Variants in OSTN observed in about 807,000 individuals in gnomAD.
OSTN encodes the protein osteocrin.
A neutral mutation model predicts 12.0 loss-of-function variants in OSTN; 9 were observed. That is an observed-to-expected ratio of 0.75 (90% CI 0.45 to 1.30). The LOEUF is 1.30. Among genes scored for constraint, OSTN ranks in the 50% most tolerant of loss-of-function variants. OSTN has a pLI of 0.00. For synonymous variants in OSTN, 59 were observed against 56.9 expected (o/e 1.04, Z -0.16); for missense variants, 148 against 152.3 (o/e 0.97, Z 0.15).
At chr3:191,236,977 T>C (rs1715206561) in intron 3 of OSTN, among the ~76,000 whole-genome samples, 1 of 152,166 alleles carries the variant, frequency 6.6e-6, no homozygotes, top group Non-Finnish European at 1.5e-5. Context: ...ATAAATTACA[T>C]GCCAGATTGT....
At chr3:191,242,270 T>C (rs542210380) in intron 3 of OSTN, among the ~76,000 whole-genome samples, 3 of 152,270 alleles carry the variant, frequency 2.0e-5, no homozygotes, top group South Asian at 2.1e-4. Context: ...ATGATGCCAC[T>C]TACAACCACA....
intron 3 of OSTN, among the ~76,000 whole-genome samples, chr3:191,223,016 A>T (rs1714809244): frequency 6.6e-6 from 1 of 152,180 alleles, no homozygotes; most frequent in South Asian, 2.1e-4. Flanking sequence ...AAATTAATTT[A>T]AATTTAAAAT....
chr3:191,250,107 A>G lies in OSTN; in HGVS notation c.388A>G (p.Asn130Asp). 1 of 1,611,820 alleles carries G rather than the reference A, an allele frequency of 6.2e-7. No homozygotes were observed. The highest frequency in any genetic ancestry group is 8.5e-7 in the Non-Finnish European group (1 of 1,177,890). Residue 130 changes from asparagine to aspartate, a missense_variant, in exon 4 of 5, where the codon AAT becomes GAT. By Grantham distance (23) the Asn-to-Asp change is conservative (BLOSUM62 1). Transcript: ENST00000682035. ...TCGGATTGGTAGAAACCGGCTTTCA[A>G]ATTCCAGAGGCTAATTGATTCCAAT... is the stretch of plus-strand genomic sequence containing the variant. ...MDRIGRNRLS[N>D]SRG
At chr3:191,251,356 G>A (rs1381242240) in intron 4 of OSTN, among the ~76,000 whole-genome samples, 1 of 152,050 alleles carries the variant, frequency 6.6e-6, no homozygotes, top group African/African-American at 2.4e-5. Context: ...TCTTCCAATA[G>A]GACTTATAGA....
intron 1 of OSTN, among the ~76,000 whole-genome samples, chr3:191,203,587 C>T (rs9832607): frequency 0.4 from 60,847 of 151,966 alleles, 12,876 homozygotes; most frequent in African/African-American, 0.54. Flanking sequence ...GTTCTAGTAA[C>T]TTATCATTCT....
chr3:191,204,306 C>T (rs542386693), intron 1 of OSTN, among the ~76,000 whole-genome samples: 1 of 152,162 alleles, frequency 6.6e-6, no homozygotes, highest in South Asian at 2.1e-4. Context: ...TTAAAAATAG[C>T]AAATTTCAGA....
At chr3:191,216,523 T>C (rs1038378505) in intron 2 of OSTN, among the ~76,000 whole-genome samples, 21 of 150,264 alleles carry the variant, frequency 1.4e-4, no homozygotes, top group Admixed American at 2.0e-4. Flanking sequence ...CTTTTAAACA[T>C]AACTTCTAAT....
intron 1 of OSTN, among the ~76,000 whole-genome samples, chr3:191,200,827 C>T (rs1324959151): frequency 6.6e-6 from 1 of 152,154 alleles, no homozygotes; most frequent in Non-Finnish European, 1.5e-5. Context: ...ATGACTGTTA[C>T]CTACCAGACA....
chr3:191,221,223 C>T (rs993340278), intron 3 of OSTN, among the ~76,000 whole-genome samples: 6 of 152,184 alleles, frequency 3.9e-5, no homozygotes, highest in African/African-American at 1.4e-4. Context: ...GTCAATTAAA[C>T]CGCTTTCCTT....
chr3:191,228,811 G>A (rs2108539547), intron 3 of OSTN: 1 of 152,286 alleles, frequency 6.6e-6, no homozygotes, highest in African/African-American at 2.4e-5. Flanking sequence ...TGTGGAATTA[G>A]TAAACGAGGT....
chr3:191,237,242 ATAT>A (rs1576933982), intron 3 of OSTN, among the ~76,000 whole-genome samples: 1 of 152,242 alleles, frequency 6.6e-6, no homozygotes, highest in Non-Finnish European at 1.5e-5. Flanking sequence ...TGTGAATAAG[ATAT>A]TTGTCAAAGG....
At chr3:191,242,845 A>AT (rs1426627803) in intron 3 of OSTN, among the ~76,000 whole-genome samples, 8 of 152,218 alleles carry the variant, frequency 5.3e-5, no homozygotes, top group African/African-American at 1.7e-4. Context: ...CACATCAAAG[A>AT]TTTTTTAAAA....
intron 3 of OSTN, among the ~76,000 whole-genome samples, chr3:191,219,404 A>G (rs1219875232): frequency 3.3e-5 from 5 of 152,202 alleles, no homozygotes; most frequent in Non-Finnish European, 7.3e-5. Context: ...CAGAACGTGG[A>G]GTCAGAACGC....
chr3:191,251,161 A>G (rs1219380708), intron 4 of OSTN, among the ~76,000 whole-genome samples: 4 of 143,750 alleles, frequency 2.8e-5, no homozygotes, highest in Non-Finnish European at 4.6e-5. Context: ...TTATCATTAT[A>G]CAAATAAATG....
rs1054381672 is a variant in OSTN, at chr3:191,243,156, A to G, written c.318-6881A>G. On this transcript the variant is annotated intron_variant, in intron 3 of 4. Coordinates refer to ENST00000682035, the MANE Select transcript of OSTN (RefSeq NM_198184.2). Reference sequence around the variant, plus strand: ...GCAAAATTAAAAATCCCACAATACAAGGATTAGCATAAATTTGAAATAATA... The same window carrying G: ...GCAAAATTAAAAATCCCACAATACAGGGATTAGCATAAATTTGAAATAATA... Among the ~76,000 whole-genome samples, 151 of 152,316 alleles carry G rather than the reference A, an allele frequency of 9.9e-4. 1 individual carries two copies. The highest frequency in any genetic ancestry group is 3.4e-3 in the African/African-American group (143 of 41,582).
At chr3:191,199,700 A>C (rs549836101) in intron 1 of OSTN, among the ~76,000 whole-genome samples, 65 of 152,208 alleles carry the variant, frequency 4.3e-4, no homozygotes, top group African/African-American at 1.5e-3. Flanking sequence ...TTTTTTCCTC[A>C]TTATTTCTAT....
chr3:191,222,682 T>A (rs941413857), intron 3 of OSTN, among the ~76,000 whole-genome samples: 1 of 152,016 alleles, frequency 6.6e-6, no homozygotes. Flanking sequence ...AGATATGAGA[T>A]TTGGGAGGGG....
In OSTN at chr3:191,263,035, T is replaced by G; in HGVS notation, c.*182T>G. ...CATTGTTACAGCTTCAATTAAATTG[T>G]GTAAATCATTTTGATGCACGTACAT... On this transcript the variant is annotated 3_prime_UTR_variant, in exon 5 of 5. Transcript: ENST00000682035. 1.8e-6 allele frequency: 1 copy of G among 553,784 alleles called. No individual in the cohort carries two copies. Among genetic ancestry groups the G allele is most frequent in the East Asian group, 2.9e-5 (1 of 34,250 alleles). 34.3% of individuals were successfully genotyped at this position (553,784 alleles called of 1,614,324 possible).
intron 2 of OSTN, among the ~76,000 whole-genome samples, chr3:191,214,939 G>A (rs1003418482): frequency 3.3e-5 from 5 of 152,190 alleles, no homozygotes; most frequent in Non-Finnish European, 7.3e-5. Context: ...TTGATCCTGG[G>A]AGGCAGAGGT....
Sources: allele counts gnomAD v4.1 joint callset (sites outside exome capture counted in the v4.1 genomes callset), GRCh38; gene constraint gnomAD v4.1.1; transcripts MANE v1.5; gene names NCBI Gene and HGNC (gene_info 2026-07-23, HGNC 2026-07-21).